The following RNF130 variants were observed in gnomAD, a reference collection of about 807,000 sequenced individuals.
The protein encoded by RNF130 is ring finger protein 130.
A neutral mutation model predicts 44.6 loss-of-function variants in RNF130; 21 were observed. The ratio of observed to expected loss-of-function variants is 0.47; its 90% confidence interval spans 0.33 to 0.68. The LOEUF (loss-of-function observed/expected upper bound fraction) is 0.68, where lower values mean the gene tolerates loss of function less well. RNF130 is among the 30% of genes least tolerant of loss of function. RNF130 has a pLI of 0.02. For synonymous variants in RNF130, 214 were observed against 210.4 expected, an observed-to-expected ratio of 1.02 and a Z score of -0.15; for missense variants, 479 against 560.6, an observed-to-expected ratio of 0.85 and a Z score of 1.47.
At chr5:180,021,529 C>T (rs1444422801) in intron 2 of RNF130, among the ~76,000 whole-genome samples, 1 of 152,046 alleles carries the variant, frequency 6.6e-6, no homozygotes, top group Non-Finnish European at 1.5e-5. Context: ...CATAACAATT[C>T]TTAAAATGTG....
At chr5:180,027,574 C>T (rs1433346172) in intron 2 of RNF130, among the ~76,000 whole-genome samples, 7 of 152,180 alleles carry the variant, frequency 4.6e-5, no homozygotes, top group Non-Finnish European at 1.0e-4. Context: ...AGGCTTTCAG[C>T]TAGTGCAGCT....
intron 1 of RNF130, among the ~76,000 whole-genome samples, chr5:180,050,404 G>A (rs1033077231): frequency 6.6e-6 from 1 of 152,338 alleles, no homozygotes; most frequent in East Asian, 1.9e-4. Context: ...GCCATCAGTG[G>A]AATGGATAAG....
At chr5:179,989,699 C>T (rs857181) in intron 3 of RNF130, among the ~76,000 whole-genome samples, 95,889 of 151,938 alleles carry the variant, frequency 0.63, 31,080 homozygotes, top group African/African-American at 0.79. Context: ...ATCTTTTAAG[C>T]GGAGCATTTG....
At chr5:180,047,272 T>C (rs1218662630) in intron 1 of RNF130, among the ~76,000 whole-genome samples, 14 of 152,340 alleles carry the variant, frequency 9.2e-5, no homozygotes, top group Non-Finnish European at 1.8e-4. Flanking sequence ...AATTCATCAT[T>C]TCTGTTATCA....
intron 1 of RNF130, among the ~76,000 whole-genome samples, chr5:180,063,083 GCA>G (rs1765024062): frequency 1.3e-5 from 2 of 152,290 alleles, no homozygotes; most frequent in East Asian, 3.9e-4. Flanking sequence ...ACCTCATACT[GCA>G]CAGAGACTTC....
At chr5:180,004,305 A>G (rs1484524651) in intron 3 of RNF130, among the ~76,000 whole-genome samples, 1 of 152,170 alleles carries the variant, frequency 6.6e-6, no homozygotes, top group African/African-American at 2.4e-5. Flanking sequence ...ACTGTGCCCT[A>G]TTCCTTTAAT....
At chr5:180,019,772 G>T (rs1209814413) in intron 2 of RNF130, among the ~76,000 whole-genome samples, 1 of 152,206 alleles carries the variant, frequency 6.6e-6, no homozygotes, top group East Asian at 1.9e-4. Flanking sequence ...ATATAGACCT[G>T]CTGTCACTCT....
intron 7 of RNF130, chr5:179,964,492 T>C (rs988838310): frequency 1.3e-5 from 2 of 152,240 alleles, no homozygotes; most frequent in African/African-American, 4.8e-5. Context: ...TTTAACAAAA[T>C]GTTATACAAT....
chr5:180,056,309 C>T (rs1764821011), intron 1 of RNF130, among the ~76,000 whole-genome samples: 2 of 151,454 alleles, frequency 1.3e-5, no homozygotes, highest in Admixed American at 6.6e-5. Context: ...TAATGCATAC[C>T]CTGGGGCTAC....
intron 8 of RNF130, among the ~76,000 whole-genome samples, chr5:179,957,940 G>T (rs917899127): frequency 6.6e-6 from 1 of 151,496 alleles, no homozygotes; most frequent in Non-Finnish European, 1.5e-5. Context: ...TGCAGTGGCG[G>T]GATCTCGGCT....
At chr5:179,976,108 G>A (rs1228286678) in intron 5 of RNF130, among the ~76,000 whole-genome samples, 1 of 152,096 alleles carries the variant, frequency 6.6e-6, no homozygotes, top group African/African-American at 2.4e-5. Flanking sequence ...GATACTTGAG[G>A]CCAGGAGTTC....
intron 8 of RNF130, among the ~76,000 whole-genome samples, chr5:179,959,980 AG>A (rs1214197756): frequency 6.6e-6 from 1 of 152,224 alleles, no homozygotes; most frequent in African/African-American, 2.4e-5. Flanking sequence ...AAAGGGCTCT[AG>A]GGGATACCTA....
chr5:179,968,667 TAA>T (rs35941932), intron 6 of RNF130, among the ~76,000 whole-genome samples: 30 of 68,064 alleles, frequency 4.4e-4, no homozygotes, highest in South Asian at 5.2e-4. Context: ...CTCTGTCTCA[TAA>T]AAAAAAAAAA....
intron 1 of RNF130, among the ~76,000 whole-genome samples, chr5:180,046,245 G>C (rs1439765690): frequency 2.0e-5 from 3 of 152,150 alleles, no homozygotes; most frequent in Non-Finnish European, 4.4e-5. Context: ...CACCCACGCA[G>C]AACTCCAGGG....
chr5:179,946,678 C>T (rs1024899697), intron 7 of RNF130, among the ~76,000 whole-genome samples: 13 of 151,880 alleles, frequency 8.6e-5, no homozygotes, highest in South Asian at 2.1e-4. Context: ...CTCAGCCTCC[C>T]GAGTAGCTGG....
chr5:179,953,838 GA>G (rs1762161928), downstream of RNF130, among the ~76,000 whole-genome samples: 2 of 152,144 alleles, frequency 1.3e-5, no homozygotes, highest in African/African-American at 4.8e-5. Context: ...GAGAATGTGA[GA>G]AAATATTTGC....
chr5:179,983,752 A>G (rs1359306088), intron 3 of RNF130, among the ~76,000 whole-genome samples: 1 of 152,184 alleles, frequency 6.6e-6, no homozygotes, highest in African/African-American at 2.4e-5. Context: ...TAACAACATT[A>G]AGTCTTCCAC....
intron 7 of RNF130, among the ~76,000 whole-genome samples, chr5:179,942,011 A>C (rs1761974817): frequency 6.6e-6 from 1 of 152,164 alleles, no homozygotes; most frequent in South Asian, 2.1e-4. Context: ...ATAAGACCAT[A>C]AACTCCCCAT....
At chr5:179,976,338 G>A (rs896153299) in intron 5 of RNF130, among the ~76,000 whole-genome samples, 4 of 152,314 alleles carry the variant, frequency 2.6e-5, no homozygotes, top group Admixed American at 2.6e-4. Context: ...GAGGCCCGTA[G>A]TTTTAGGTGC....
Sources: gnomAD v4.1 joint callset for allele counts (sites outside exome capture counted in the v4.1 genomes callset) on GRCh38, gnomAD v4.1.1 for gene constraint, MANE v1.5 for transcripts, NCBI Gene and HGNC (gene_info 2026-07-23, HGNC 2026-07-21) for gene names.